The following LRRC4C variants were observed in gnomAD, a reference collection of about 807,000 sequenced individuals.
LRRC4C encodes the protein leucine rich repeat containing 4C.
LRRC4C carries 5 observed loss-of-function variants against 33.6 expected under a neutral mutation model. That is an observed-to-expected ratio of 0.15 (90% CI 0.08 to 0.31). LRRC4C has a LOEUF of 0.31. Among genes scored for constraint, LRRC4C ranks in the 10% least tolerant of loss-of-function variants. The pLI, the probability that LRRC4C is intolerant of heterozygous loss-of-function variation, is 1.00. For synonymous variants in LRRC4C, 329 were observed against 302.0 expected, an observed-to-expected ratio of 1.09 and a Z score of -0.93; for missense variants, 560 against 796.7, an observed-to-expected ratio of 0.70 and a Z score of 3.58.
chr11:40,920,257 T>C (rs1374208594), intron 2 of LRRC4C, among the ~76,000 whole-genome samples: 2 of 152,200 alleles, frequency 1.3e-5, no homozygotes, highest in Non-Finnish European at 2.9e-5. Flanking sequence ...ATGATTTTTC[T>C]CTTATCCAGG....
intron 4 of LRRC4C, among the ~76,000 whole-genome samples, chr11:40,248,479 C>T (rs1866516463): frequency 6.6e-6 from 1 of 152,004 alleles, no homozygotes; most frequent in Non-Finnish European, 1.5e-5. Flanking sequence ...GCCTGTAATC[C>T]CAGTGCTTTA....
chr11:40,963,956 T>C (rs1297688350), intron 1 of LRRC4C, among the ~76,000 whole-genome samples: 1 of 151,748 alleles, frequency 6.6e-6, no homozygotes, highest in Non-Finnish European at 1.5e-5. Context: ...ATGAGAAACA[T>C]TTGGTTTAAA....
Position 40,776,344 on chromosome 11 carries a change from G to T in LRRC4C, c.-406-128066C>A, listed in dbSNP as rs983082333. Among the ~76,000 whole-genome samples, 12 of 151,596 alleles carry T rather than the reference G, an allele frequency of 7.9e-5. 1 individual carries two copies. In the East Asian group the frequency reaches 2.1e-3, roughly 27 times the overall value. Reference sequence around the variant, plus strand: ...TCTGTATGTCTTATAGAATTCAGCTGTGAATCCATCTGGTCTAGGGATTTT... The same window carrying T: ...TCTGTATGTCTTATAGAATTCAGCTTTGAATCCATCTGGTCTAGGGATTTT... On this transcript the variant is annotated intron_variant, in intron 2 of 6. Transcript: ENST00000528697.
At chr11:40,944,814 A>G (rs1234574690) in intron 1 of LRRC4C, among the ~76,000 whole-genome samples, 1 of 152,206 alleles carries the variant, frequency 6.6e-6, no homozygotes, top group Non-Finnish European at 1.5e-5. Flanking sequence ...TGGCCCATAT[A>G]TTAGCATTTA....
At chr11:40,365,522 T>A (rs568586358) in intron 3 of LRRC4C, among the ~76,000 whole-genome samples, 5 of 152,190 alleles carry the variant, frequency 3.3e-5, no homozygotes, top group Admixed American at 3.3e-4. Flanking sequence ...GGCAAATTCA[T>A]GTCACATGAG....
rs77683172 is a variant in LRRC4C at position 40,495,813 on chromosome 11, GTTTTTTTTTTTTTT to G, written c.-270+152315_-270+152328del. ...TTTTATTGAAGTTCTCAATAAACAT[GTTTTTTTTTTTTTT>G]TTTTTTTTTTTTTTTTTTTTTTGAG... On this transcript the variant is annotated intron_variant, in intron 3 of 6. Transcript: ENST00000528697. Among the ~76,000 whole-genome samples the G allele has an allele frequency of 5.7e-4, 38 of 67,014 alleles. 1 individual carries two copies. Among genetic ancestry groups the G allele is most frequent in the Non-Finnish European group, 6.9e-4 (25 of 36,096 alleles). 44.0% of individuals were successfully genotyped at this position (67,014 alleles called of 152,430 possible). A position where few individuals can be genotyped will look rare whatever the true frequency, so the allele number is the denominator to read the frequency against.
At chr11:40,718,707 G>A (rs370356975) in intron 2 of LRRC4C, among the ~76,000 whole-genome samples, 23 of 152,226 alleles carry the variant, frequency 1.5e-4, no homozygotes, top group Admixed American at 4.6e-4. Flanking sequence ...ATAAGCAAGC[G>A]CTCACAAAAG....
intron 4 of LRRC4C, among the ~76,000 whole-genome samples, chr11:40,310,962 C>T (rs1387349932): frequency 1.3e-5 from 2 of 152,152 alleles, no homozygotes; most frequent in African/African-American, 2.4e-5. Context: ...GTATGGCTCA[C>T]CTGAGGTGGT....
At chr11:41,317,732 G>C (rs1950837904) in intron 1 of LRRC4C, among the ~76,000 whole-genome samples, 1 of 152,124 alleles carries the variant, frequency 6.6e-6, no homozygotes, top group African/African-American at 2.4e-5. Flanking sequence ...ACAATGGTTT[G>C]AGGGATTTTT....
chr11:40,543,630 G>T (rs1435875933), intron 3 of LRRC4C, among the ~76,000 whole-genome samples: 1 of 152,066 alleles, frequency 6.6e-6, no homozygotes, highest in Non-Finnish European at 1.5e-5. Flanking sequence ...TCATTTGTCT[G>T]AAGAAGAAAA....
intron 4 of LRRC4C, among the ~76,000 whole-genome samples, chr11:40,264,268 A>G (rs2080101657): frequency 6.6e-6 from 1 of 152,220 alleles, no homozygotes; most frequent in Admixed American, 6.5e-5. Flanking sequence ...CAAACAAAAA[A>G]GCAGTTATTT....
intron 2 of LRRC4C, among the ~76,000 whole-genome samples, chr11:40,791,054 T>G (rs1950604293): frequency 6.6e-6 from 1 of 152,156 alleles, no homozygotes; most frequent in African/African-American, 2.4e-5. Flanking sequence ...ACCTGTCTGA[T>G]GAAAAGCTGT....
chr11:40,462,801 C>A (rs1952463018), intron 3 of LRRC4C, among the ~76,000 whole-genome samples: 1 of 152,038 alleles, frequency 6.6e-6, no homozygotes, highest in Non-Finnish European at 1.5e-5. Flanking sequence ...AACCAAAGAG[C>A]AGATTCATCT....
chr11:40,917,523 T>C (rs954720706), intron 2 of LRRC4C, among the ~76,000 whole-genome samples: 1 of 152,118 alleles, frequency 6.6e-6, no homozygotes, highest in Non-Finnish European at 1.5e-5. Flanking sequence ...ATGCGTTGTA[T>C]GCCATTTTGA....
intron 5 of LRRC4C, among the ~76,000 whole-genome samples, chr11:40,232,180 A>C (rs930395450): frequency 3.3e-5 from 5 of 152,016 alleles, no homozygotes; most frequent in Non-Finnish European, 5.9e-5. Context: ...CTATTTTTGT[A>C]TTTTTAGTAA....
intron 1 of LRRC4C, among the ~76,000 whole-genome samples, chr11:41,048,515 G>A (rs955802736): frequency 4.0e-5 from 6 of 151,806 alleles, no homozygotes; most frequent in African/African-American, 9.7e-5. Context: ...CACCCTCCTC[G>A]GTCTCCCAAA....
At chr11:40,343,498 C>A (rs1285115319) in intron 3 of LRRC4C, among the ~76,000 whole-genome samples, 2 of 151,878 alleles carry the variant, frequency 1.3e-5, no homozygotes, top group Middle Eastern at 3.2e-3. Context: ...TTTATTTCTT[C>A]TCCTTCTTCC....
chr11:40,878,280 G>A (rs530741914), intron 2 of LRRC4C, among the ~76,000 whole-genome samples: 1 of 152,244 alleles, frequency 6.6e-6, no homozygotes, highest in African/African-American at 2.4e-5. Flanking sequence ...GCCACCAGAT[G>A]CAGCTTAATT....
At chr11:41,021,369 T>C (rs1440605915) in intron 1 of LRRC4C, among the ~76,000 whole-genome samples, 1 of 151,894 alleles carries the variant, frequency 6.6e-6, no homozygotes, top group East Asian at 1.9e-4. Context: ...GAGTTCTCCT[T>C]TCCTATAGCT....
Sources: allele counts gnomAD v4.1 joint callset (sites outside exome capture counted in the v4.1 genomes callset), GRCh38; gene constraint gnomAD v4.1.1; transcripts MANE v1.5; gene names NCBI Gene and HGNC (gene_info 2026-07-23, HGNC 2026-07-21).